The following PGP variants were observed in gnomAD, a reference collection of about 807,000 sequenced individuals.
PGP encodes phosphoglycolate phosphatase.
PGP carries 9 observed loss-of-function variants against 19.3 expected under a neutral mutation model. The observed-to-expected ratio is 0.47, with a 90% confidence interval of 0.28 to 0.81. PGP has a LOEUF of 0.81. Among genes scored for constraint, PGP ranks in the 40% least tolerant of loss-of-function variants. The pLI is 0.11. For missense variants in PGP, 403 were observed against 479.9 expected, an observed-to-expected ratio of 0.84 and a Z score of 1.50; for synonymous variants, 308 against 226.8, an observed-to-expected ratio of 1.36 and a Z score of -3.22.
chr16:2,214,094 G>GGGGGGCGCCCCC lies in PGP; in HGVS notation c.641-42_641-41insGGGGGCGCCCCC. 1 of 1,544,862 alleles carries GGGGGGCGCCCCC rather than the reference G, an allele frequency of 6.5e-7. No individual in the cohort carries two copies. The highest frequency in any genetic ancestry group is 1.4e-5 in the African/African-American group (1 of 73,284). On this transcript the variant is annotated intron_variant, in intron 1 of 1. Transcript: ENST00000333503. This position sits in a 1 kb window ranked among gnomAD's most constrained non-coding sequence, Gnocchi z 7.1. ...GACCGGGTCAAAGGGCAGGGAGGGG[G>GGGGGGCGCCCCC]CCCGCCGCCCGCCCCCCAGCCTCCC...
Position 2,214,101 on chromosome 16 carries a change from G to GCCCGCCC in PGP, c.640+30_640+36dup. 5 of 605,966 alleles carry GCCCGCCC rather than the reference G, an allele frequency of 8.3e-6. No homozygotes were observed. Among genetic ancestry groups the GCCCGCCC allele is most frequent in the Non-Finnish European group, 8.7e-6 (4 of 460,284 alleles). The allele number at this position is 605,966 out of a possible 1,614,324, so 37.5% of individuals were successfully genotyped here. On this transcript the variant is annotated intron_variant, in intron 1 of 1. Transcript: ENST00000333503. The surrounding 1 kb of genome is among the most constrained non-coding windows in gnomAD (Gnocchi z 7.1). ...TCAAAGGGCAGGGAGGGGGCCCGCC[G>GCCCGCCC]CCCGCCCCCCAGCCTCCCGCCCCAG...
chr16:2,212,489 AG>A lies in PGP; in HGVS notation c.*1238del. The A allele has an allele frequency of 1.0e-6, 1 of 985,550 alleles. No individual in the cohort carries two copies. The highest frequency in any genetic ancestry group is 1.2e-6 in the Non-Finnish European group (1 of 829,982). The allele number at this position is 985,550 out of a possible 1,614,324, so 61.1% of individuals were successfully genotyped here. A position where few individuals can be genotyped will look rare whatever the true frequency, so the allele number is the denominator to read the frequency against. On this transcript the variant is annotated 3_prime_UTR_variant, in exon 2 of 2. Coordinates refer to ENST00000333503, the MANE Select transcript of PGP (RefSeq NM_001042371.3). Reference sequence around the variant, plus strand: ...CCAAGGAGCAGGCAGGAGAGGCTGGAGCCCCGCCCAGAACCTTGGCGAGCTG... The same window carrying A: ...CCAAGGAGCAGGCAGGAGAGGCTGGACCCCGCCCAGAACCTTGGCGAGCTG...
At position 2,214,502 on chromosome 16, in the gene PGP, G is replaced by A. The variant is rs2093383069; in HGVS notation, c.276C>T (p.Pro92=). 2 of 1,416,716 alleles carry A rather than the reference G, an allele frequency of 1.4e-6. No individual in the cohort carries two copies. The highest frequency in any genetic ancestry group is 3.1e-5 in the Admixed American group (1 of 32,302). The allele number at this position is 1,416,716 out of a possible 1,614,324, so 87.8% of individuals were successfully genotyped here. ...RRLGFGGPAG[P]GASLEVFGTA... ...TGCCGAAGACCTCCAGGCTGGCGCC[G>A]GGCCCCGCGGGGCCGCCGAAGCCCA... Residue 92 remains proline (P), a synonymous_variant, in exon 1 of 2, where the codon CCC becomes CCT. Transcript: ENST00000333503. The surrounding 1 kb of genome is among the most constrained non-coding windows in gnomAD (Gnocchi z 7.1).
rs2093378215 is a variant in PGP, at chr16:2,212,596, C to T, written c.*1132G>A. The stretch of plus-strand genomic sequence containing the variant: ...GACCTCCTGGGCCACCAGTCTCTAA[C>T]CCCTACCCCAGCCTAGGGAAGGGGA... On this transcript the variant is annotated 3_prime_UTR_variant, in exon 2 of 2. Coordinates refer to ENST00000333503, the MANE Select transcript of PGP (RefSeq NM_001042371.3). The T allele has an allele frequency of 2.0e-6, 2 of 985,352 alleles. No homozygotes were observed. The highest frequency in any genetic ancestry group is 1.7e-5 in the African/African-American group (1 of 57,238). The allele number at this position is 985,352 out of a possible 1,614,324, so 61.0% of individuals were successfully genotyped here.
chr16:2,213,691 C>CT lies in PGP; in HGVS notation c.*36dup, dbSNP rs753280948. 1.5e-4 allele frequency: 220 copies of CT among 1,464,518 alleles called. No homozygotes were observed. The highest frequency in any genetic ancestry group is 4.0e-4 in the South Asian group (28 of 69,156). The allele number at this position is 1,464,518 out of a possible 1,614,324, so 90.7% of individuals were successfully genotyped here. On this transcript the variant is annotated 3_prime_UTR_variant, in exon 2 of 2. Transcript: ENST00000333503. Reference sequence around the variant, plus strand: ...AATTTGGGTAACTGGTTTTCAATTTCTTTTTTTTTATTCTGCAGATTAAAG... The same window carrying CT: ...AATTTGGGTAACTGGTTTTCAATTTCTTTTTTTTTTATTCTGCAGATTAAAG...
In PGP at chr16:2,212,412, C is replaced by T; in HGVS notation, c.*1316G>A. The T allele has an allele frequency of 1.0e-6, 1 of 985,836 alleles. No individual in the cohort carries two copies. The highest frequency in any genetic ancestry group is 1.2e-6 in the Non-Finnish European group (1 of 830,092). 61.1% of individuals were successfully genotyped at this position (985,836 alleles called of 1,614,324 possible). ...GGGAGCCAGCCAGAAGGTGCAGCAT[C>T]CCGGGATGGCCCTGCTGAGTCTGCT... On this transcript the variant is annotated 3_prime_UTR_variant, in exon 2 of 2. Coordinates refer to ENST00000333503, the MANE Select transcript of PGP (RefSeq NM_001042371.3).
rs759304275 is a variant in PGP at position 2,214,066 on chromosome 16, G to A, written c.641-13C>T. 5.6e-6 allele frequency: 9 copies of A among 1,598,372 alleles called. No homozygotes were observed. In the South Asian group the frequency reaches 8.9e-5, roughly 16 times the overall value. ...AGACACCCGGTACCTGCGGGGCACA[G>A]GGGACCGGGTCAAAGGGCAGGGAGG... On this transcript the variant is annotated splice_polypyrimidine_tract_variant and intron_variant, in intron 1 of 1. Transcript: ENST00000333503. The surrounding 1 kb of genome is among the most constrained non-coding windows in gnomAD (Gnocchi z 7.1).
Position 2,212,444 on chromosome 16 carries a change from C to T in PGP, c.*1284G>A, listed in dbSNP as rs898639650. 7 of 985,632 alleles carry T rather than the reference C, an allele frequency of 7.1e-6. No homozygotes were observed. The highest frequency in any genetic ancestry group is 5.2e-5 in the African/African-American group (3 of 57,256). 61.1% of individuals were successfully genotyped at this position (985,632 alleles called of 1,614,324 possible). On this transcript the variant is annotated 3_prime_UTR_variant, in exon 2 of 2. Transcript: ENST00000333503. ...TGGCCCTGCTGAGTCTGCTGTCAGG[C>T]CTGTGAAAGGTCAGCAGAGCCAAGG...
Position 2,214,437 on chromosome 16 carries a change from G to C in PGP, c.341C>G (p.Ala114Gly). ...CTALYLRQRL[A>G]GAPAPKAYVL... is the part of the protein sequence containing the mutation. ...GTAGGCCTTGGGCGCGGGGGCGCCG[G>C]CCAGGCGCTGGCGCAGGTAGAGCGC... is the stretch of plus-strand genomic sequence containing the variant. Residue 114 changes from alanine (A) to glycine (G), a missense_variant, in exon 1 of 2, where the codon GCC becomes GGC. Ala to Gly is a moderately conservative substitution (Grantham distance 60). Transcript: ENST00000333503. This position sits in a 1 kb window ranked among gnomAD's most constrained non-coding sequence, Gnocchi z 7.1. 1 of 1,330,852 alleles carries C rather than the reference G, an allele frequency of 7.5e-7. No individual in the cohort carries two copies. The highest frequency in any genetic ancestry group is 3.1e-5 in the East Asian group (1 of 32,044). The allele number at this position is 1,330,852 out of a possible 1,614,324, so 82.4% of individuals were successfully genotyped here.
chr16:2,212,495 G>A lies in PGP; in HGVS notation c.*1233C>T, dbSNP rs955409226. 6.8e-5 allele frequency: 67 copies of A among 985,436 alleles called. 1 individual carries two copies. Among genetic ancestry groups the A allele is most frequent in the Admixed American group, 1.2e-4 (2 of 16,278 alleles). The allele number at this position is 985,436 out of a possible 1,614,324, so 61.0% of individuals were successfully genotyped here. ...AGCAGGCAGGAGAGGCTGGAGCCCC[G>A]CCCAGAACCTTGGCGAGCTGGTGGC... On this transcript the variant is annotated 3_prime_UTR_variant, in exon 2 of 2. Transcript: ENST00000333503.
rs1232386157 is a variant in PGP at position 2,214,019 on chromosome 16, G to A, written c.675C>T (p.Ala225=). 2.5e-6 allele frequency: 4 copies of A among 1,602,280 alleles called. No individual in the cohort carries two copies. The highest frequency in any genetic ancestry group is 1.7e-4 in the Middle Eastern group (1 of 6,012). Residue 225 remains alanine, a synonymous_variant, in exon 2 of 2, where the codon GCC becomes GCT. Coordinates refer to ENST00000333503, the MANE Select transcript of PGP (RefSeq NM_001042371.3). This position sits in a 1 kb window ranked among gnomAD's most constrained non-coding sequence, Gnocchi z 7.1. ...CGATGATGTCGGCCTGGCGCTGGGC[G>A]GCCATCTCCACGGCTCGGACCAGAC... The part of the protein sequence containing the change: ...TGCLVRAVEM[A]AQRQADIIGK...
rs1191043512 is a variant in PGP at position 2,211,904 on chromosome 16, C to T, written c.*1824G>A. On this transcript the variant is annotated 3_prime_UTR_variant, in exon 2 of 2. Transcript: ENST00000333503. ...GCATTCCAGCTCTGGAGTTGGAACC[C>T]CAGTTACCCATCTACTTTGAGTCCT... 58 of 985,398 alleles carry T rather than the reference C, an allele frequency of 5.9e-5. No homozygotes were observed. Among genetic ancestry groups the T allele is most frequent in the Non-Finnish European group, 7.0e-5 (58 of 829,978 alleles). 61.0% of individuals were successfully genotyped at this position (985,398 alleles called of 1,614,324 possible).
rs2093379665 is a variant in PGP, at chr16:2,213,166, G to A, written c.*562C>T. 14 of 985,502 alleles carry A rather than the reference G, an allele frequency of 1.4e-5. No individual in the cohort carries two copies. The highest frequency in any genetic ancestry group is 1.7e-5 in the Non-Finnish European group (14 of 829,952). The allele number at this position is 985,502 out of a possible 1,614,324, so 61.0% of individuals were successfully genotyped here. A position where few individuals can be genotyped will look rare whatever the true frequency, so the allele number is the denominator to read the frequency against. Reference sequence around the variant, plus strand: ...AGTAAGGGAGGTGGGAGAGTGGTGAGGGCAGCACTTTGCACCCAAGGGCAG... The same window carrying A: ...AGTAAGGGAGGTGGGAGAGTGGTGAAGGCAGCACTTTGCACCCAAGGGCAG... On this transcript the variant is annotated 3_prime_UTR_variant, in exon 2 of 2. Transcript: ENST00000333503.
Position 2,214,791 on chromosome 16 carries a change from C to A in PGP, c.-14G>T. ...CGCCGCCGCCATCGCCGCCCGCCGG[C>A]CGCCGCCGCCCGCCGGCCGCTCCTC... On this transcript the variant is annotated 5_prime_UTR_variant, in exon 1 of 2. Transcript: ENST00000333503. This position sits in a 1 kb window ranked among gnomAD's most constrained non-coding sequence, Gnocchi z 7.1. 1.1e-6 allele frequency: 1 copy of A among 886,664 alleles called. No homozygotes were observed. Among genetic ancestry groups the A allele is most frequent in the Non-Finnish European group, 1.3e-6 (1 of 741,430 alleles). The allele number at this position is 886,664 out of a possible 1,614,324, so 54.9% of individuals were successfully genotyped here. A position where few individuals can be genotyped will look rare whatever the true frequency, so the allele number is the denominator to read the frequency against.
chr16:2,211,764 G>A lies in PGP; in HGVS notation c.*1964C>T, dbSNP rs1596738093. 26 of 985,500 alleles carry A rather than the reference G, an allele frequency of 2.6e-5. 1 individual carries two copies. The highest frequency in any genetic ancestry group is 5.2e-4 in the Middle Eastern group (1 of 1,914). 61.0% of individuals were successfully genotyped at this position (985,500 alleles called of 1,614,324 possible). A position where few individuals can be genotyped will look rare whatever the true frequency, so the allele number is the denominator to read the frequency against. On this transcript the variant is annotated 3_prime_UTR_variant, in exon 2 of 2. Transcript: ENST00000333503. ...CTCCCTGCCCTGGGCGCTCTGACACGGCAGCCCACCAGCTTCACTCCAGGG... is the reference window on the plus strand; with the variant it reads ...CTCCCTGCCCTGGGCGCTCTGACACAGCAGCCCACCAGCTTCACTCCAGGG...
In PGP at chr16:2,213,074, G is replaced by A. The variant is rs1357232952; in HGVS notation, c.*654C>T. 1.0e-6 allele frequency: 1 copy of A among 985,370 alleles called. No individual in the cohort carries two copies. Among genetic ancestry groups the A allele is most frequent in the Non-Finnish European group, 1.2e-6 (1 of 829,952 alleles). 61.0% of individuals were successfully genotyped at this position (985,370 alleles called of 1,614,324 possible). ...TAGCTGGGCTGCGTTTACAGAACTG[G>A]GCAGCAGCCCTGGGTATCTGAAACG... is the stretch of plus-strand genomic sequence containing the variant. On this transcript the variant is annotated 3_prime_UTR_variant, in exon 2 of 2. Transcript: ENST00000333503.
chr16:2,214,043 A>G lies in PGP; in HGVS notation c.651T>C (p.Cys217=), dbSNP rs748979367. The G allele has an allele frequency of 4.4e-6, 7 of 1,599,150 alleles. No individual in the cohort carries two copies. Among genetic ancestry groups the G allele is most frequent in the Non-Finnish European group, 4.3e-6 (5 of 1,172,646 alleles). The change falls in exon 2 of 2, where the codon TGT becomes TGC. Residue 217 remains cysteine (C), a synonymous_variant. Coordinates refer to ENST00000333503, the MANE Select transcript of PGP (RefSeq NM_001042371.3). The surrounding 1 kb of genome is among the most constrained non-coding windows in gnomAD (Gnocchi z 7.1). ...CGGCCATCTCCACGGCTCGGACCAG[A>G]CACCCGGTACCTGCGGGGCACAGGG... is the stretch of plus-strand genomic sequence containing the variant. ...ENGRFIAGTG[C]LVRAVEMAAQ... is the part of the protein sequence containing the mutation.
In PGP at chr16:2,214,038, A is replaced by C. The variant is rs1344656514; in HGVS notation, c.656T>G (p.Val219Gly). Residue 219 changes from valine (V) to glycine (G), a missense_variant, in exon 2 of 2, where the codon GTC becomes GGC. Coordinates refer to ENST00000333503, the MANE Select transcript of PGP (RefSeq NM_001042371.3). The surrounding 1 kb of genome is among the most constrained non-coding windows in gnomAD (Gnocchi z 7.1). ...CTGGGCGGCCATCTCCACGGCTCGG[A>C]CCAGACACCCGGTACCTGCGGGGCA... ...GRFIAGTGCL[V>G]RAVEMAAQRQ... 1 of 1,600,226 alleles carries C rather than the reference A, an allele frequency of 6.2e-7. No individual in the cohort carries two copies. Among genetic ancestry groups the C allele is most frequent in the Non-Finnish European group, 8.5e-7 (1 of 1,173,042 alleles).
rs1412656725 is a variant in PGP at position 2,214,679 on chromosome 16, G to A, written c.99C>T (p.Phe33=). 6 of 1,427,568 alleles carry A rather than the reference G, an allele frequency of 4.2e-6. No homozygotes were observed. In the African/African-American group the frequency reaches 4.5e-5, roughly 11 times the overall value. The allele number at this position is 1,427,568 out of a possible 1,614,324, so 88.4% of individuals were successfully genotyped here. A position where few individuals can be genotyped will look rare whatever the true frequency, so the allele number is the denominator to read the frequency against. Residue 33 remains phenylalanine, a synonymous_variant, in exon 1 of 2, where the codon TTC becomes TTT. Transcript: ENST00000333503. The surrounding 1 kb of genome is among the most constrained non-coding windows in gnomAD (Gnocchi z 7.1). ...ALLADVDTLL[F]DCDGVLWRGE... Reference sequence around the variant, plus strand: ...CGCGCCACAGCACGCCGTCGCAGTCGAACAGCAGCGTGTCCACGTCGGCCA... The same window carrying A: ...CGCGCCACAGCACGCCGTCGCAGTCAAACAGCAGCGTGTCCACGTCGGCCA...
Sources: allele counts gnomAD v4.1 joint callset, GRCh38; gene constraint gnomAD v4.1.1; non-coding constraint Gnocchi (gnomAD v3.1); transcripts MANE v1.5; gene names NCBI Gene and HGNC (gene_info 2026-07-23, HGNC 2026-07-21).